FOXO1: variants seen among roughly 807,000 people sequenced by gnomAD.
FOXO1 encodes the protein forkhead box protein O1.
In FOXO1, 6 loss-of-function variants were observed where a neutral mutation model predicts 44.1. The observed-to-expected ratio is 0.14, with a 90% CI of 0.07 to 0.27. The LOEUF (loss-of-function observed/expected upper bound fraction) is 0.27. Among genes scored for constraint, FOXO1 ranks in the 10% least tolerant of loss-of-function variants. The pLI is 1.00. For synonymous variants in FOXO1, 380 were observed against 362.7 expected, an observed-to-expected ratio of 1.05 and a Z score of -0.54; for missense variants, 737 against 888.8, an observed-to-expected ratio of 0.83 and a Z score of 2.17.
intron 2 of FOXO1, among the ~76,000 whole-genome samples, chr13:40,559,240 G>A (rs954534953): frequency 6.6e-6 from 1 of 152,132 alleles, no homozygotes; most frequent in Non-Finnish European, 1.5e-5. Context: ...TATATCAAAT[G>A]TATTCATTTA....
rs546745604 is a variant in FOXO1 at position 40,656,168 on chromosome 13, T to C, written c.630+9415A>G. Among the ~76,000 whole-genome samples, 105 of 152,358 alleles carry C rather than the reference T, an allele frequency of 6.9e-4. 2 individuals carry two copies. Among genetic ancestry groups the C allele is most frequent in the Admixed American group, 1.8e-3 (27 of 15,302 alleles). ...CCAAATTTAACCTCCTCTGGATCTATTGAAATATCCCATTATAATCTTCAT... is the reference window on the plus strand; with the variant it reads ...CCAAATTTAACCTCCTCTGGATCTACTGAAATATCCCATTATAATCTTCAT... On this transcript the variant is annotated intron_variant, in intron 1 of 2. Coordinates refer to ENST00000379561, the MANE Select transcript of FOXO1 (RefSeq NM_002015.4).
chr13:40,611,038 C>T (rs572256091), intron 1 of FOXO1: 3 of 456,176 alleles, frequency 6.6e-6, no homozygotes, highest in African/African-American at 6.0e-5. Context: ...AAACTCTCAA[C>T]TGAACGTGAG....
rs1228353279 is a variant in FOXO1, at chr13:40,560,945, G to C, written c.631-85C>G. 2 of 1,369,322 alleles carry C rather than the reference G, an allele frequency of 1.5e-6. No homozygotes were observed. The highest frequency in any genetic ancestry group is 2.9e-5 in the African/African-American group (2 of 68,840). 84.8% of individuals were successfully genotyped at this position (1,369,322 alleles called of 1,614,324 possible). ...TCTACATGTATTACATGGAAAACAA[G>C]TAAAAAATCTTAAGAGTGTGTGCTA... On this transcript the variant is annotated intron_variant, in intron 1 of 2. Transcript: ENST00000379561. The surrounding 1 kb of genome is among the most constrained non-coding windows in gnomAD (Gnocchi z 5.1).
chr13:40,642,947 C>G (rs1443632481), intron 1 of FOXO1, among the ~76,000 whole-genome samples: 4 of 152,164 alleles, frequency 2.6e-5, no homozygotes, highest in African/African-American at 9.7e-5. Flanking sequence ...GTTTGACTTG[C>G]TTGAATCCAA....
At chr13:40,627,142 TC>T (rs1358470312) in intron 1 of FOXO1, among the ~76,000 whole-genome samples, 1 of 151,930 alleles carries the variant, frequency 6.6e-6, no homozygotes, top group East Asian at 1.9e-4. Context: ...TACCAACAAT[TC>T]CCCCAACCAC....
chr13:40,615,514 G>A (rs945203011), intron 1 of FOXO1, among the ~76,000 whole-genome samples: 1 of 151,082 alleles, frequency 6.6e-6, no homozygotes, highest in East Asian at 2.0e-4. Context: ...GTGACAGAGT[G>A]AGACTCCATC....
chr13:40,638,207 C>T (rs1370703865), intron 1 of FOXO1, among the ~76,000 whole-genome samples: 1 of 152,080 alleles, frequency 6.6e-6, no homozygotes, highest in Admixed American at 6.6e-5. Flanking sequence ...ACAATGACAG[C>T]AGTGAACCAG....
intron 1 of FOXO1, among the ~76,000 whole-genome samples, chr13:40,590,772 G>A (rs113119810): frequency 6.6e-6 from 1 of 151,834 alleles, no homozygotes; most frequent in Non-Finnish European, 1.5e-5. Flanking sequence ...TCTTTTTTAA[G>A]AATATCAAAA....
intron 1 of FOXO1, among the ~76,000 whole-genome samples, chr13:40,646,060 T>TC (rs1158335176): frequency 2.2e-5 from 3 of 136,116 alleles, no homozygotes; most frequent in African/African-American, 8.4e-5. Flanking sequence ...AGAGGGAAAC[T>TC]CCGTCTCAAA....
intron 1 of FOXO1, among the ~76,000 whole-genome samples, chr13:40,632,344 A>G (rs770890324): frequency 6.6e-6 from 1 of 152,238 alleles, no homozygotes; most frequent in Non-Finnish European, 1.5e-5. Context: ...ATTAGTACCT[A>G]GAATATATGA....
At chr13:40,648,017 G>A (rs1353799071) in intron 1 of FOXO1, among the ~76,000 whole-genome samples, 1 of 152,168 alleles carries the variant, frequency 6.6e-6, no homozygotes, top group East Asian at 1.9e-4. Flanking sequence ...AGCTGAGGAT[G>A]CTCTATAAGT....
chr13:40,641,242 T>C (rs1338697584), intron 1 of FOXO1, among the ~76,000 whole-genome samples: 3 of 152,128 alleles, frequency 2.0e-5, no homozygotes, highest in Non-Finnish European at 4.4e-5. Context: ...CCTATCCATC[T>C]GGTGAGGAAA....
intron 1 of FOXO1, among the ~76,000 whole-genome samples, chr13:40,606,324 T>G (rs1875998103): frequency 6.6e-6 from 1 of 152,146 alleles, no homozygotes. Flanking sequence ...TCTTCTTTTC[T>G]TTAGAGATGG....
chr13:40,624,149 C>CA, intron 1 of FOXO1, among the ~76,000 whole-genome samples: 1 of 151,394 alleles, frequency 6.6e-6, no homozygotes, highest in East Asian at 1.9e-4. Context: ...TGGAGATAAA[C>CA]AAAGCCTAGA....
At chr13:40,572,841 C>G (rs1191519978) in intron 1 of FOXO1, among the ~76,000 whole-genome samples, 2 of 152,194 alleles carry the variant, frequency 1.3e-5, no homozygotes, top group African/African-American at 4.8e-5. Flanking sequence ...AGTAGGTCTG[C>G]TGCGCAACAG....
At position 40,558,769 on chromosome 13, in the gene FOXO1, T is replaced by C. The variant is rs534513928; in HGVS notation, c.*280A>G. ...GAAAATCTTTTCTGCAATTATATGGTGTAGTGAGTTTGGCACTTCATTGTA... is the reference window on the plus strand; with the variant it reads ...GAAAATCTTTTCTGCAATTATATGGCGTAGTGAGTTTGGCACTTCATTGTA... On this transcript the variant is annotated 3_prime_UTR_variant, in exon 3 of 3. Coordinates refer to ENST00000379561, the MANE Select transcript of FOXO1 (RefSeq NM_002015.4). 2.5e-6 allele frequency: 1 copy of C among 398,936 alleles called. No individual in the cohort carries two copies. The highest frequency in any genetic ancestry group is 3.6e-5 in the East Asian group (1 of 28,070). 24.7% of individuals were successfully genotyped at this position (398,936 alleles called of 1,614,324 possible).
rs1170592440 is a variant in FOXO1, at chr13:40,655,348, CAA to C, written c.630+10233_630+10234del. On this transcript the variant is annotated intron_variant, in intron 1 of 2. Coordinates refer to ENST00000379561, the MANE Select transcript of FOXO1 (RefSeq NM_002015.4). Reference sequence around the variant, plus strand: ...TTGGTGACAGAGTTAGACCCCATCTCAAAAAAAAAAAAAAAAAAAAATTAGAC... The same window carrying C: ...TTGGTGACAGAGTTAGACCCCATCTCAAAAAAAAAAAAAAAAAAATTAGAC... 2.7e-3 allele frequency among the ~76,000 whole-genome samples: 258 copies of C among 94,526 alleles called. 4 individuals carry two copies. In the East Asian group the frequency reaches 0.028, roughly 10 times the overall value. 62.0% of individuals were successfully genotyped at this position (94,526 alleles called of 152,430 possible).
rs1323835931 is a variant in FOXO1 at position 40,563,402 on chromosome 13, T to TCAAA, written c.631-2546_631-2543dup. Among the ~76,000 whole-genome samples the TCAAA allele has an allele frequency of 2.0e-5, 3 of 152,110 alleles. No individual in the cohort carries two copies. The East Asian group carries it at 5.8e-4, about 29-fold the overall frequency. On this transcript the variant is annotated intron_variant, in intron 1 of 2. Coordinates refer to ENST00000379561, the MANE Select transcript of FOXO1 (RefSeq NM_002015.4). ...CAGTCAGGGCTGAGAAATCCACATT[T>TCAAA]CAAAACGCCCTCTGACTCTCTGTAC...
intron 1 of FOXO1, among the ~76,000 whole-genome samples, chr13:40,655,679 C>T (rs1220994667): frequency 6.8e-6 from 1 of 146,360 alleles, no homozygotes; most frequent in Non-Finnish European, 1.5e-5. Context: ...TGCTGTCGCC[C>T]AGGCTCAGGC....
Sources: allele counts gnomAD v4.1 joint callset (sites outside exome capture counted in the v4.1 genomes callset), GRCh38; gene constraint gnomAD v4.1.1; non-coding constraint Gnocchi (gnomAD v3.1); transcripts MANE v1.5; gene names NCBI Gene and HGNC (gene_info 2026-07-23, HGNC 2026-07-21).